Variants in SIL1 observed in about 807,000 individuals in gnomAD.
SIL1 encodes the protein nucleotide exchange factor SIL1.
SIL1 carries 40 observed loss-of-function variants against 49.1 expected under a neutral mutation model. The ratio of observed to expected loss-of-function variants is 0.81; its 90% CI spans 0.63 to 1.06. SIL1 has a LOEUF of 1.06. SIL1 is among the 50% of genes least tolerant of loss of function. The pLI, the probability that SIL1 is intolerant of heterozygous loss-of-function variation, is 0.00. For synonymous variants in SIL1, 253 were observed against 250.8 expected (o/e 1.01, Z -0.08); for missense variants, 500 against 572.6 (o/e 0.87, Z 1.29).
intron 7 of SIL1, among the ~76,000 whole-genome samples, chr5:138,957,450 G>A (rs899428668): frequency 1.3e-5 from 2 of 151,672 alleles, no homozygotes; most frequent in Non-Finnish European, 2.9e-5. Flanking sequence ...CGGGCATGGT[G>A]GTATGCACCT....
chr5:139,085,909 G>A (rs1261407227), intron 3 of SIL1, among the ~76,000 whole-genome samples: 1 of 152,120 alleles, frequency 6.6e-6, no homozygotes, highest in Non-Finnish European at 1.5e-5. Context: ...CTTTCCAGAT[G>A]AAAGAAGAAA....
intron 3 of SIL1, among the ~76,000 whole-genome samples, chr5:139,051,457 T>G (rs535227258): frequency 6.8e-4 from 104 of 152,116 alleles, no homozygotes; most frequent in African/African-American, 2.4e-3. Context: ...TTCCTGCCCC[T>G]CCTCGACAGT....
At chr5:139,066,536 T>A (rs1427877061) in intron 3 of SIL1, among the ~76,000 whole-genome samples, 1 of 152,046 alleles carries the variant, frequency 6.6e-6, no homozygotes, top group African/African-American at 2.4e-5. Flanking sequence ...ATCCTTTCAA[T>A]CTCTAGTGCC....
At chr5:139,076,479 A>G (rs148151183) in intron 3 of SIL1, among the ~76,000 whole-genome samples, 299 of 152,334 alleles carry the variant, frequency 2.0e-3, no homozygotes, top group African/African-American at 7.0e-3. Flanking sequence ...TTACATGGAA[A>G]GCCACTAAAA....
chr5:138,970,399 A>T (rs1283334737), intron 7 of SIL1, among the ~76,000 whole-genome samples: 1 of 152,240 alleles, frequency 6.6e-6, no homozygotes, highest in Admixed American at 6.5e-5. Context: ...GGAAGCAAAC[A>T]GATCAGTTGG....
At chr5:139,126,587 C>T (rs1017541505) in intron 2 of SIL1, among the ~76,000 whole-genome samples, 3 of 152,154 alleles carry the variant, frequency 2.0e-5, no homozygotes, top group Non-Finnish European at 4.4e-5. Context: ...TCAGGGGCCC[C>T]TGGGATCCCA....
chr5:139,112,727 G>A (rs1283967562), intron 3 of SIL1, among the ~76,000 whole-genome samples: 3 of 150,252 alleles, frequency 2.0e-5, no homozygotes, highest in East Asian at 2.0e-4. Context: ...GGTGGGGGGC[G>A]CCTCTGCCCG....
At chr5:139,103,405 C>A (rs1770634576) in intron 3 of SIL1, among the ~76,000 whole-genome samples, 1 of 152,152 alleles carries the variant, frequency 6.6e-6, no homozygotes. Context: ...ACCAGCGTGC[C>A]AGTCAGTCTG....
chr5:139,007,806 G>A (rs1335763177), intron 7 of SIL1, among the ~76,000 whole-genome samples: 5 of 143,842 alleles, frequency 3.5e-5, no homozygotes, highest in African/African-American at 1.1e-4. Flanking sequence ...TCCCAGGGAT[G>A]AAGCCCACTT....
chr5:139,104,823 G>A (rs1770664866), intron 3 of SIL1, among the ~76,000 whole-genome samples: 1 of 152,158 alleles, frequency 6.6e-6, no homozygotes, highest in Non-Finnish European at 1.5e-5. Context: ...GTAGGCACAT[G>A]GCAAGTACCC....
chr5:139,190,060 A>G (rs1416430530), intron 1 of SIL1, among the ~76,000 whole-genome samples: 2 of 152,212 alleles, frequency 1.3e-5, no homozygotes, highest in African/African-American at 4.8e-5. Context: ...ACAGATCATA[A>G]AACTAAGGCT....
At chr5:138,974,172 A>G (rs1767344951) in intron 7 of SIL1, among the ~76,000 whole-genome samples, 1 of 152,224 alleles carries the variant, frequency 6.6e-6, no homozygotes, top group South Asian at 2.1e-4. Context: ...GCTCCTCAGG[A>G]AAGCGTGAAC....
chr5:139,129,805 G>A (rs377607392), intron 1 of SIL1, among the ~76,000 whole-genome samples: 28 of 152,290 alleles, frequency 1.8e-4, no homozygotes, highest in South Asian at 2.1e-4. Context: ...TAATCTTAAC[G>A]ACCTTGGATT....
At chr5:138,951,066 C>G in intron 9 of SIL1, 105 bp downstream of exon 9, 2 of 1,321,054 alleles carry the variant, frequency 1.5e-6, no homozygotes, top group Non-Finnish European at 1.1e-6. Context: ...GAAGCACACA[C>G]AAAGCAAACA....
intron 3 of SIL1, among the ~76,000 whole-genome samples, chr5:139,112,055 C>T (rs1016745205): frequency 2.9e-4 from 44 of 152,240 alleles, no homozygotes; most frequent in Admixed American, 2.6e-4. Flanking sequence ...CTGTGTTGGC[C>T]GGGCTGGTCT....
intron 7 of SIL1, among the ~76,000 whole-genome samples, chr5:138,963,835 G>A (rs1767078004): frequency 1.3e-5 from 2 of 152,212 alleles, no homozygotes; most frequent in African/African-American, 4.8e-5. Context: ...GCATTTCACA[G>A]GGAGTCTCAG....
intron 7 of SIL1, among the ~76,000 whole-genome samples, chr5:138,989,945 A>G (rs1272273235): frequency 6.6e-6 from 1 of 152,144 alleles, no homozygotes; most frequent in East Asian, 1.9e-4. Flanking sequence ...CAGCAGAGGT[A>G]CTGAGTGGGA....
chr5:139,120,987 A>G, intron 3 of SIL1, 48 bp downstream of exon 3: 1 of 1,611,810 alleles, frequency 6.2e-7, no homozygotes, highest in Non-Finnish European at 8.5e-7. Context: ...GGACATATGC[A>G]GTTTGAATTC....
intron 5 of SIL1, among the ~76,000 whole-genome samples, chr5:139,038,192 T>C (rs897953584): frequency 6.6e-6 from 1 of 152,246 alleles, no homozygotes; most frequent in East Asian, 1.9e-4. Context: ...GACACAAACA[T>C]TCAATCCATA....
Sources: gnomAD v4.1 joint callset for allele counts (sites outside exome capture counted in the v4.1 genomes callset) on GRCh38, gnomAD v4.1.1 for gene constraint, MANE v1.5 for transcripts, NCBI Gene and HGNC (gene_info 2026-07-23, HGNC 2026-07-21) for gene names.